Variants in HSF2BP observed in about 807,000 individuals in gnomAD.
The protein encoded by HSF2BP is heat shock transcription factor 2 binding protein, also known as heat shock factor 2-binding protein.
A neutral mutation model predicts 35.0 loss-of-function variants in HSF2BP; 35 were observed. That is an observed-to-expected ratio of 1.00 (90% CI 0.76 to 1.32). The LOEUF (loss-of-function observed/expected upper bound fraction) is 1.32. Among genes scored for constraint, HSF2BP ranks in the 40% most tolerant of loss-of-function variants. The pLI is 0.00. For synonymous variants in HSF2BP, 114 were observed against 117.4 expected (o/e 0.97, Z 0.18); for missense variants, 326 against 321.7 (o/e 1.01, Z -0.10).
At chr21:43,589,438 ATGAACTGTTG>A (rs1222031766) in intron 8 of HSF2BP, among the ~76,000 whole-genome samples, 1 of 152,200 alleles carries the variant, frequency 6.6e-6, no homozygotes, top group African/African-American at 2.4e-5. Flanking sequence ...ATCCCCCAAA[ATGAACTGTTG>A]ATTCAACACA....
Position 43,586,141 on chromosome 21 carries a change from G to A in HSF2BP, c.796+6084C>T, listed in dbSNP as rs574470853. ...AATACTAGTCTGCATTAACAGTTAC[G>A]TAACATGTGGCCACCATCTCAATAC... On this transcript the variant is annotated intron_variant, in intron 8 of 8. Coordinates refer to ENST00000291560, the MANE Select transcript of HSF2BP (RefSeq NM_007031.2). Among the ~76,000 whole-genome samples the A allele has an allele frequency of 9.8e-5, 15 of 152,308 alleles. No individual in the cohort carries two copies. In the East Asian group the frequency reaches 1.2e-3, roughly 12 times the overall value.
At chr21:43,643,968 A>G (rs1261906069) in intron 4 of HSF2BP, among the ~76,000 whole-genome samples, 1 of 150,424 alleles carries the variant, frequency 6.6e-6, no homozygotes, top group African/African-American at 2.4e-5. Context: ...AAAAAAAAGG[A>G]AAAAAAAAAT....
intron 7 of HSF2BP, among the ~76,000 whole-genome samples, chr21:43,604,914 CA>C: frequency 9.8e-6 from 1 of 101,796 alleles, no homozygotes; most frequent in East Asian, 3.3e-4. Context: ...ACACACACCA[CA>C]AAGACACATC....
intron 6 of HSF2BP, among the ~76,000 whole-genome samples, chr21:43,618,435 A>T (rs563615336): frequency 1.3e-5 from 2 of 152,220 alleles, no homozygotes; most frequent in Admixed American, 1.3e-4. Flanking sequence ...GGTAGAATTG[A>T]GAGTACAGAA....
intron 6 of HSF2BP, among the ~76,000 whole-genome samples, chr21:43,619,749 A>C (rs1015454957): frequency 3.3e-5 from 5 of 152,224 alleles, no homozygotes; most frequent in Middle Eastern, 3.2e-3. Context: ...CTGAAGGGAA[A>C]CTATCCCTGA....
At chr21:43,651,272 A>T (rs2082782134) in intron 3 of HSF2BP, among the ~76,000 whole-genome samples, 1 of 152,200 alleles carries the variant, frequency 6.6e-6, no homozygotes, top group Non-Finnish European at 1.5e-5. Context: ...CTATGAGGTA[A>T]GCATTACTGT....
At chr21:43,605,584 TAC>T (rs939414090) in intron 7 of HSF2BP, among the ~76,000 whole-genome samples, 1 of 120,176 alleles carries the variant, frequency 8.3e-6, no homozygotes, top group African/African-American at 3.3e-5. Context: ...TCCCCCAACA[TAC>T]ACATACCACA....
At chr21:43,604,869 CAT>C (rs1488466891) in intron 7 of HSF2BP, among the ~76,000 whole-genome samples, 1 of 124,464 alleles carries the variant, frequency 8.0e-6, no homozygotes, top group African/African-American at 3.0e-5. Flanking sequence ...CCACACACCA[CAT>C]ACACACCATA....
chr21:43,612,991 AG>A (rs2082227719), intron 7 of HSF2BP, among the ~76,000 whole-genome samples: 1 of 152,210 alleles, frequency 6.6e-6, no homozygotes, highest in Non-Finnish European at 1.5e-5. Context: ...GATGTAATTA[AG>A]GTTACTAACC....
In HSF2BP at chr21:43,658,068, G is replaced by C. The variant is rs1290927792; in HGVS notation, c.29C>G (p.Ala10Gly). The C allele has an allele frequency of 1.3e-6, 2 of 1,535,664 alleles. No individual in the cohort carries two copies. The highest frequency in any genetic ancestry group is 2.0e-5 in the Admixed American group (1 of 50,920). Reference protein sequence around the residue: MGEAGAAEEACRHMGTKEEF... With the variant: MGEAGAAEEGCRHMGTKEEF... ...CAGGGCTTCCTCACTAACCCGGCAG[G>C]CCTCCTCAGCGGCGCCCGCTTCGCC... The change falls in exon 2 of 9, where the codon GCC becomes GGC. Residue 10 changes from alanine (A) to glycine (G), a missense_variant. Transcript: ENST00000291560.
chr21:43,629,391 C>A (rs1456085284), intron 6 of HSF2BP, among the ~76,000 whole-genome samples: 1 of 152,114 alleles, frequency 6.6e-6, no homozygotes, highest in Non-Finnish European at 1.5e-5. Flanking sequence ...CATGGAGAAA[C>A]CCCATCTCTA....
chr21:43,582,778 A>G (rs1268930112), intron 8 of HSF2BP, among the ~76,000 whole-genome samples: 1 of 15,408 alleles, frequency 6.5e-5, no homozygotes. Flanking sequence ...CTGCTGAGGG[A>G]GATGAAGATC....
chr21:43,626,934 C>T (rs1329091991), intron 6 of HSF2BP, among the ~76,000 whole-genome samples: 2 of 151,296 alleles, frequency 1.3e-5, no homozygotes, highest in East Asian at 1.9e-4. Flanking sequence ...GTGGCACGAT[C>T]TCAGCTCACT....
chr21:43,604,705 C>G (rs2082105396), intron 7 of HSF2BP, among the ~76,000 whole-genome samples: 1 of 24,136 alleles, frequency 4.1e-5, no homozygotes, highest in Admixed American at 6.4e-4. Context: ...ACACTGCACT[C>G]ACACGCATCT....
intron 4 of HSF2BP, among the ~76,000 whole-genome samples, chr21:43,635,325 T>C (rs2082536899): frequency 6.6e-6 from 1 of 152,152 alleles, no homozygotes; most frequent in Admixed American, 6.5e-5. Context: ...AAAGTGATAA[T>C]CTGATTCTAA....
chr21:43,636,114 GGAAGGTC>G (rs2082550123), intron 4 of HSF2BP, among the ~76,000 whole-genome samples: 1 of 149,724 alleles, frequency 6.7e-6, no homozygotes, highest in African/African-American at 2.5e-5. Flanking sequence ...ACTTGAGCCT[GGAAGGTC>G]GAAGCTGAAG....
intron 3 of HSF2BP, among the ~76,000 whole-genome samples, chr21:43,652,866 T>C (rs996596522): frequency 6.6e-6 from 1 of 152,010 alleles, no homozygotes; most frequent in Non-Finnish European, 1.5e-5. Context: ...CCAGGCGCAG[T>C]GGCTCATAAC....
At chr21:43,582,048 T>G (rs1452682417) in intron 8 of HSF2BP, among the ~76,000 whole-genome samples, 1 of 45,950 alleles carries the variant, frequency 2.2e-5, no homozygotes, top group African/African-American at 9.8e-5. Flanking sequence ...GGCCCTGTTG[T>G]GGGGGATGAG....
intron 8 of HSF2BP, among the ~76,000 whole-genome samples, chr21:43,587,752 C>T (rs1177139282): frequency 6.6e-6 from 1 of 151,332 alleles, no homozygotes; most frequent in Non-Finnish European, 1.5e-5. Context: ...ACAAGCACCT[C>T]ATATTATCCA....
Sources: gnomAD v4.1 joint callset for allele counts (sites outside exome capture counted in the v4.1 genomes callset) on GRCh38, gnomAD v4.1.1 for gene constraint, MANE v1.5 for transcripts, NCBI Gene and HGNC (gene_info 2026-07-23, HGNC 2026-07-21) for gene names.